The following PID1 variants were observed in gnomAD, a reference collection of about 807,000 sequenced individuals.
PID1 encodes the protein PTB-containing, cubilin and LRP1-interacting protein.
In PID1, 10 loss-of-function variants were observed where a neutral mutation model predicts 19.1. The observed-to-expected ratio is 0.52, with a 90% confidence interval of 0.32 to 0.89. The LOEUF is 0.89. Ranked by LOEUF, PID1 falls within the 40% of genes least tolerant of loss-of-function variation. The pLI is 0.03. For missense variants in PID1, 248 were observed against 285.3 expected (o/e 0.87, Z 0.94); for synonymous variants, 130 against 116.0 (o/e 1.12, Z -0.78).
chr2:229,262,002 G>C (rs1226449118), intron 1 of PID1, among the ~76,000 whole-genome samples: 3 of 151,594 alleles, frequency 2.0e-5, no homozygotes, highest in Non-Finnish European at 4.4e-5. Flanking sequence ...CACCAAACCA[G>C]GTACAAATAA....
At chr2:229,148,773 A>G (rs1372082543) in intron 2 of PID1, among the ~76,000 whole-genome samples, 2 of 150,288 alleles carry the variant, frequency 1.3e-5, no homozygotes, top group African/African-American at 4.9e-5. Context: ...GGAAGGAGGG[A>G]GGGAAGAAGG....
At chr2:229,033,169 C>T (rs898900508) in intron 2 of PID1, among the ~76,000 whole-genome samples, 7 of 152,270 alleles carry the variant, frequency 4.6e-5, no homozygotes, top group African/African-American at 1.2e-4. Flanking sequence ...ACTCACCTCA[C>T]GCTAGACTGG....
intron 1 of PID1, among the ~76,000 whole-genome samples, chr2:229,188,395 G>C (rs1691180246): frequency 6.6e-6 from 1 of 152,040 alleles, no homozygotes; most frequent in African/African-American, 2.4e-5. Context: ...AAGGGGAAGA[G>C]AGTGACTGGT....
At chr2:229,069,169 G>GTGTA (rs34233187) in intron 2 of PID1, among the ~76,000 whole-genome samples, 1 of 151,678 alleles carries the variant, frequency 6.6e-6, no homozygotes, top group Non-Finnish European at 1.5e-5. Flanking sequence ...GTGTGTGTGT[G>GTGTA]TGTGTGTGTG....
chr2:229,182,451 T>C (rs1690965905), intron 1 of PID1, among the ~76,000 whole-genome samples: 1 of 152,178 alleles, frequency 6.6e-6, no homozygotes, highest in Non-Finnish European at 1.5e-5. Flanking sequence ...TTGAGTGATT[T>C]TAGGAAATTT....
In PID1 at chr2:229,137,781, T is replaced by A. The variant is rs367831576; in HGVS notation, c.177+18037A>T. Among the ~76,000 whole-genome samples the A allele has an allele frequency of 1.4e-4, 22 of 152,304 alleles. No homozygotes were observed. The South Asian group carries it at 3.5e-3, about 24-fold the overall frequency. ...TAAACCAGCACTAAGAGTTATGCTTTCTGTAAATGAAGCACTTTGCTTGGC... is the reference window on the plus strand; with the variant it reads ...TAAACCAGCACTAAGAGTTATGCTTACTGTAAATGAAGCACTTTGCTTGGC... On this transcript the variant is annotated intron_variant, in intron 2 of 2. Transcript: ENST00000392055.
chr2:229,180,951 G>A (rs1032722495), intron 1 of PID1, among the ~76,000 whole-genome samples: 2 of 152,178 alleles, frequency 1.3e-5, no homozygotes, highest in Non-Finnish European at 2.9e-5. Context: ...GCTTTCCAAG[G>A]CACGGGCCCC....
At position 229,180,695 on chromosome 2, in the gene PID1, G is replaced by A. The variant is rs375474295; in HGVS notation, c.31-24731C>T. 2.2e-4 allele frequency among the ~76,000 whole-genome samples: 33 copies of A among 152,282 alleles called. No homozygotes were observed. The South Asian group carries it at 5.6e-3, about 26-fold the overall frequency. On this transcript the variant is annotated intron_variant, in intron 1 of 2. Transcript: ENST00000392055. ...ACTCTGAGATTACATCTGAGCCTGC[G>A]GGAACCTTTCCTTTTAATGACTTAA...
intron 1 of PID1, among the ~76,000 whole-genome samples, chr2:229,196,739 A>G (rs115485297): frequency 0.013 from 1,950 of 152,128 alleles, 47 homozygotes; most frequent in African/African-American, 0.045. Flanking sequence ...TCCTGTGCAC[A>G]TCATATTTAT....
At chr2:229,076,804 A>G (rs570612106) in intron 2 of PID1, among the ~76,000 whole-genome samples, 48 of 152,306 alleles carry the variant, frequency 3.2e-4, no homozygotes, top group Non-Finnish European at 5.4e-4. Flanking sequence ...ATTGATGGGC[A>G]TTTGGGTTGG....
At chr2:229,152,815 T>C (rs530601621) in intron 2 of PID1, among the ~76,000 whole-genome samples, 6 of 152,164 alleles carry the variant, frequency 3.9e-5, no homozygotes, top group Non-Finnish European at 5.9e-5. Context: ...TCAGTGGTGC[T>C]CGCCATAACC....
chr2:229,174,771 T>C (rs1487777147), intron 1 of PID1, among the ~76,000 whole-genome samples: 3 of 150,266 alleles, frequency 2.0e-5, no homozygotes, highest in African/African-American at 7.3e-5. Context: ...TAAAACACTA[T>C]GATAAATGCT....
At chr2:229,196,999 A>G (rs1324297635) in intron 1 of PID1, among the ~76,000 whole-genome samples, 1 of 152,058 alleles carries the variant, frequency 6.6e-6, no homozygotes, top group African/African-American at 2.4e-5. Flanking sequence ...CAACTGTAGA[A>G]CACAAGGCAA....
intron 2 of PID1, among the ~76,000 whole-genome samples, chr2:229,079,624 T>C (rs1286794547): frequency 6.6e-6 from 1 of 152,232 alleles, no homozygotes; most frequent in Non-Finnish European, 1.5e-5. Context: ...TACTACAAGT[T>C]CTTTTCTGTC....
intron 2 of PID1, among the ~76,000 whole-genome samples, chr2:229,151,644 C>T (rs2106191488): frequency 6.6e-6 from 1 of 151,384 alleles, no homozygotes; most frequent in South Asian, 2.1e-4. Flanking sequence ...GATCTCGGCT[C>T]ACTGCAAGCT....
chr2:229,145,304 C>T (rs1029136751), intron 2 of PID1, among the ~76,000 whole-genome samples: 1 of 151,140 alleles, frequency 6.6e-6, no homozygotes, highest in Admixed American at 6.6e-5. Context: ...AGAAGTTATA[C>T]AATTTCCACT....
Position 229,093,760 on chromosome 2 carries a change from T to C in PID1, c.177+62058A>G, listed in dbSNP as rs1168859059. Among the ~76,000 whole-genome samples, 21 of 67,270 alleles carry C rather than the reference T, an allele frequency of 3.1e-4. 1 individual carries two copies. Among genetic ancestry groups the C allele is most frequent in the African/African-American group, 7.1e-4 (21 of 29,468 alleles). 44.1% of individuals were successfully genotyped at this position (67,270 alleles called of 152,430 possible). A position where few individuals can be genotyped will look rare whatever the true frequency, so the allele number is the denominator to read the frequency against. On this transcript the variant is annotated intron_variant, in intron 2 of 2. Coordinates refer to ENST00000392055, the MANE Select transcript of PID1 (RefSeq NM_001100818.2). Reference sequence around the variant, plus strand: ...AATAAAATCTAGCATGGCTTTATGATAAAAAAAAGAACCCCTCAACAATCT... The same window carrying C: ...AATAAAATCTAGCATGGCTTTATGACAAAAAAAAGAACCCCTCAACAATCT...
At chr2:229,041,997 A>G (rs189832105) in intron 2 of PID1, among the ~76,000 whole-genome samples, 74 of 152,332 alleles carry the variant, frequency 4.9e-4, no homozygotes, top group African/African-American at 1.8e-3. Flanking sequence ...TGAAAATATG[A>G]GTAATGTCTC....
intron 2 of PID1, among the ~76,000 whole-genome samples, chr2:229,074,722 C>T (rs1694523651): frequency 6.6e-6 from 1 of 152,074 alleles, no homozygotes; most frequent in Non-Finnish European, 1.5e-5. Flanking sequence ...AAATAGATTT[C>T]AGAAATATAA....
Sources: gnomAD v4.1 joint callset for allele counts (sites outside exome capture counted in the v4.1 genomes callset) on GRCh38, gnomAD v4.1.1 for gene constraint, MANE v1.5 for transcripts, NCBI Gene and HGNC (gene_info 2026-07-23, HGNC 2026-07-21) for gene names.